Variants in ZFHX3 observed in about 807,000 individuals in gnomAD.
ZFHX3 encodes the protein zinc finger homeobox 3.
ZFHX3 carries 42 observed loss-of-function variants against 279.1 expected under a neutral mutation model. The ratio of observed to expected loss-of-function variants is 0.15; its 90% CI spans 0.12 to 0.19. The LOEUF (loss-of-function observed/expected upper bound fraction) is 0.19. ZFHX3 is among the 10% of genes least tolerant of loss of function. The pLI is 1.00. For missense variants in ZFHX3, 4,981 were observed against 4,754.0 expected (o/e 1.05, Z -1.40); for synonymous variants, 2,293 against 1,957.8 (o/e 1.17, Z -4.52).
chr16:73,890,742 T>C (rs2030507545), intron 1 of ZFHX3, among the ~76,000 whole-genome samples: 1 of 152,168 alleles, frequency 6.6e-6, no homozygotes, highest in African/African-American at 2.4e-5. Context: ...TGGAGCCGTG[T>C]TAAATTTTGA....
intron 3 of ZFHX3, among the ~76,000 whole-genome samples, chr16:72,890,452 G>A (rs1013274220): frequency 1.3e-5 from 2 of 151,346 alleles, no homozygotes; most frequent in Non-Finnish European, 2.9e-5. Flanking sequence ...GTAGCAGCAC[G>A]GTAATGGACT....
chr16:73,567,156 T>C (rs552253854), intron 2 of ZFHX3, among the ~76,000 whole-genome samples: 2 of 152,324 alleles, frequency 1.3e-5, no homozygotes, highest in African/African-American at 4.8e-5. Flanking sequence ...TGTTTGTTTG[T>C]TTTTTAATAA....
chr16:73,302,773 T>C (rs1332373412), intron 4 of ZFHX3, among the ~76,000 whole-genome samples: 5 of 152,278 alleles, frequency 3.3e-5, no homozygotes, highest in African/African-American at 1.2e-4. Flanking sequence ...GCAGTGGCAT[T>C]CAGAGGCTCT....
chr16:72,953,992 T>C (rs1417134519), intron 2 of ZFHX3, among the ~76,000 whole-genome samples: 1 of 152,188 alleles, frequency 6.6e-6, no homozygotes, highest in African/African-American at 2.4e-5. Flanking sequence ...GCCCAGGGCT[T>C]AGAATCCTAC....
chr16:73,847,918 T>C lies in ZFHX3; in HGVS notation c.-1608+43733A>G, dbSNP rs61531332. On this transcript the variant is annotated intron_variant, in intron 1 of 17. Coordinates refer to the ZFHX3 transcript ENST00000641206. ...ATGCCTGGCTAGTTTTTTTTTTTTTTTTTTTTTTTTTTTTGGATTTTTAGT... is the reference window on the plus strand; with the variant it reads ...ATGCCTGGCTAGTTTTTTTTTTTTTCTTTTTTTTTTTTTTGGATTTTTAGT... Among the ~76,000 whole-genome samples, 892 of 145,434 alleles carry C rather than the reference T, an allele frequency of 6.1e-3. 14 individuals carry two copies. The highest frequency in any genetic ancestry group is 0.022 in the African/African-American group (862 of 39,270).
chr16:73,320,237 T>G (rs999596384), intron 3 of ZFHX3, among the ~76,000 whole-genome samples: 1 of 152,214 alleles, frequency 6.6e-6, no homozygotes, highest in African/African-American at 2.4e-5. Flanking sequence ...CCCATCAGAC[T>G]AATGACCCCT....
intron 3 of ZFHX3, among the ~76,000 whole-genome samples, chr16:72,929,688 G>A (rs1959683186): frequency 6.6e-6 from 1 of 152,190 alleles, no homozygotes; most frequent in Non-Finnish European, 1.5e-5. Context: ...CAAGCTGGCT[G>A]TACATAAACA....
intron 1 of ZFHX3, among the ~76,000 whole-genome samples, chr16:73,816,681 T>C (rs1200806886): frequency 6.6e-6 from 1 of 152,184 alleles, no homozygotes; most frequent in African/African-American, 2.4e-5. Flanking sequence ...GGGTACGGAC[T>C]GAATAGGCAA....
At chr16:73,691,871 T>A (rs1411873235) in intron 1 of ZFHX3, among the ~76,000 whole-genome samples, 1 of 152,220 alleles carries the variant, frequency 6.6e-6, no homozygotes, top group Non-Finnish European at 1.5e-5. Flanking sequence ...CTAAAAATGT[T>A]TAAGGAGCAC....
intron 1 of ZFHX3, among the ~76,000 whole-genome samples, chr16:73,744,375 G>A (rs906472352): frequency 6.6e-6 from 1 of 152,188 alleles, no homozygotes; most frequent in African/African-American, 2.4e-5. Context: ...TTTACTCGGG[G>A]CTTCAGATGC....
rs141251118 is a variant in ZFHX3 at position 72,927,337 on chromosome 16, G to A, written c.3216+23132C>T. 2.4e-3 allele frequency among the ~76,000 whole-genome samples: 365 copies of A among 152,026 alleles called. 1 individual carries two copies. The highest frequency in any genetic ancestry group is 8.2e-3 in the African/African-American group (340 of 41,464). On this transcript the variant is annotated intron_variant, in intron 3 of 9. Coordinates refer to ENST00000268489, the MANE Select transcript of ZFHX3 (RefSeq NM_006885.4). ...CTCTCTCAATTTCTCAATACCCATC[G>A]AGTCTTTCCTTAACAATCCTCCCGA...
chr16:73,882,754 T>C (rs1370492908), intron 1 of ZFHX3, among the ~76,000 whole-genome samples: 3 of 152,142 alleles, frequency 2.0e-5, no homozygotes, highest in African/African-American at 4.8e-5. Flanking sequence ...AGACCTTTTT[T>C]TTAAGCTTCT....
At position 72,905,131 on chromosome 16, in the gene ZFHX3, C is replaced by T. The variant is rs562059892; in HGVS notation, c.3217-15169G>A. ...CTGGGATTACAGGCATGAGCCACTA[C>T]ACCCGGCCCTTTCTTTTGTGTAGAT... On this transcript the variant is annotated intron_variant, in intron 3 of 9. Transcript: ENST00000268489. Among the ~76,000 whole-genome samples, 7 of 152,310 alleles carry T rather than the reference C, an allele frequency of 4.6e-5. No individual in the cohort carries two copies. In the South Asian group the frequency reaches 1.5e-3, roughly 32 times the overall value.
intron 2 of ZFHX3, among the ~76,000 whole-genome samples, chr16:73,498,447 T>A (rs2019178632): frequency 1.3e-5 from 2 of 152,234 alleles, no homozygotes; most frequent in Admixed American, 1.3e-4. Flanking sequence ...GTTTATTATA[T>A]GTTTGCACAC....
intron 1 of ZFHX3, among the ~76,000 whole-genome samples, chr16:73,780,313 A>T (rs375852780): frequency 6.7e-6 from 1 of 150,270 alleles, no homozygotes; most frequent in East Asian, 2.0e-4. Flanking sequence ...ACGCCTGGCT[A>T]ATTTTTGTAT....
intron 4 of ZFHX3, among the ~76,000 whole-genome samples, chr16:73,278,983 G>GT (rs2014387525): frequency 6.6e-6 from 1 of 152,204 alleles, no homozygotes; most frequent in African/African-American, 2.4e-5. Context: ...CCTGTCTTCT[G>GT]TTTTTTCTAC....
intron 1 of ZFHX3, among the ~76,000 whole-genome samples, chr16:73,836,868 T>C (rs1362937853): frequency 6.6e-6 from 1 of 152,194 alleles, no homozygotes; most frequent in East Asian, 1.9e-4. Flanking sequence ...ATTTGTTCCC[T>C]TGAGAGTGGG....
At chr16:73,667,220 G>C (rs2052852136) in intron 2 of ZFHX3, among the ~76,000 whole-genome samples, 1 of 152,098 alleles carries the variant, frequency 6.6e-6, no homozygotes, top group African/African-American at 2.4e-5. Context: ...TCGAACTCTT[G>C]ACCTTGTGAT....
At chr16:72,967,248 TTC>T (rs1222290585) in intron 1 of ZFHX3, among the ~76,000 whole-genome samples, 1 of 152,182 alleles carries the variant, frequency 6.6e-6, no homozygotes, top group Admixed American at 6.5e-5. Context: ...ACATGGCCAA[TTC>T]TTGGGCTGGA....
Sources: allele counts gnomAD v4.1 joint callset (sites outside exome capture counted in the v4.1 genomes callset), GRCh38; gene constraint gnomAD v4.1.1; transcripts MANE v1.5; gene names NCBI Gene and HGNC (gene_info 2026-07-23, HGNC 2026-07-21).